The following RSPH14 variants were observed in gnomAD, a reference collection of about 807,000 sequenced individuals.
RSPH14 encodes the protein radial spoke head 14 homolog, also known as rhabdoid tumor deletion region gene 1.
Under a neutral mutation model 26.7 loss-of-function variants are expected in RSPH14, and 20 were observed. The observed-to-expected ratio is 0.75, with a 90% confidence interval of 0.53 to 1.09. The LOEUF (loss-of-function observed/expected upper bound fraction) is 1.09. Among genes scored for constraint, RSPH14 ranks in the 50% least tolerant of loss-of-function variants. RSPH14 has a pLI of 0.00. For synonymous variants in RSPH14, 177 were observed against 189.3 expected (o/e 0.93, Z 0.53); for missense variants, 449 against 457.2 (o/e 0.98, Z 0.16).
rs151087008 is a variant in RSPH14 at position 23,083,236 on chromosome 22, G to C, written c.422-19103C>G. ...GAAGCAAGAGGGCTGTGGGAGGCCT[G>C]GGGTATTGGGGGTAGTAGGGGAGGG... is the stretch of plus-strand genomic sequence containing the variant. On this transcript the variant is annotated intron_variant, in intron 4 of 6. Coordinates refer to ENST00000216036, the MANE Select transcript of RSPH14 (RefSeq NM_014433.3). Among the ~76,000 whole-genome samples, 12 of 152,220 alleles carry C rather than the reference G, an allele frequency of 7.9e-5. No homozygotes were observed. In the East Asian group the frequency reaches 2.3e-3, roughly 29 times the overall value.
At chr22:23,172,486 G>A in the RSPH14 span, among the ~76,000 whole-genome samples, 6 of 149,340 alleles carry the variant, frequency 4.0e-5, no homozygotes, top group South Asian at 2.1e-4. Context: ...AGGCCGAGGC[G>A]GGCAGATCAC....
the RSPH14 span, among the ~76,000 whole-genome samples, chr22:23,173,301 A>T: frequency 2.6e-5 from 4 of 151,892 alleles, no homozygotes; most frequent in Admixed American, 6.6e-5. Flanking sequence ...TGCCCAGCTA[A>T]TTTTTTGTAT....
chr22:23,171,565 TGA>T, the RSPH14 span, among the ~76,000 whole-genome samples: 2 of 152,116 alleles, frequency 1.3e-5, no homozygotes, highest in Non-Finnish European at 2.9e-5. Context: ...TTATTCATGC[TGA>T]GCGCGGTGGC....
chr22:23,156,352 CA>C, the RSPH14 span: 1 of 262,810 alleles, frequency 3.8e-6, no homozygotes, highest in Non-Finnish European at 7.5e-6. Context: ...CACTGGACTC[CA>C]GGGGGAGGTC....
the RSPH14 span, chr22:23,159,381 TG>T: frequency 1.1e-6 from 1 of 894,480 alleles, no homozygotes; most frequent in Middle Eastern, 2.3e-4. Context: ...TGGTGCACAC[TG>T]GCATCACAGC....
chr22:23,132,194 G>A (rs1038221927), intron 4 of RSPH14, among the ~76,000 whole-genome samples: 4 of 152,190 alleles, frequency 2.6e-5, no homozygotes, highest in African/African-American at 4.8e-5. Flanking sequence ...CAGGGCACAC[G>A]GGGAGTGAGG....
chr22:23,138,424 G>A (rs1225236472), intron 3 of RSPH14, among the ~76,000 whole-genome samples: 1 of 152,136 alleles, frequency 6.6e-6, no homozygotes, highest in Non-Finnish European at 1.5e-5. Context: ...AGCTGAGCGT[G>A]ATGACACATG....
intron 4 of RSPH14, among the ~76,000 whole-genome samples, chr22:23,125,330 A>G (rs1351972830): frequency 6.6e-6 from 1 of 151,926 alleles, no homozygotes; most frequent in East Asian, 1.9e-4. Context: ...CCCAACACTG[A>G]CCCAGGCTGT....
intron 4 of RSPH14, among the ~76,000 whole-genome samples, chr22:23,130,312 G>A (rs559487555): frequency 1.4e-4 from 21 of 151,388 alleles, no homozygotes; most frequent in Admixed American, 5.3e-4. Flanking sequence ...AAAATCAGCC[G>A]GGCATGGTGG....
At chr22:23,140,181 T>G in intron 2 of RSPH14, 41 bp downstream of exon 2, 1 of 1,608,172 alleles carries the variant, frequency 6.2e-7, no homozygotes, top group East Asian at 2.2e-5. Context: ...GAAGCCATGC[T>G]AGGACCCCAG....
At chr22:23,165,754 T>A in the RSPH14 span, among the ~76,000 whole-genome samples, 38 of 152,134 alleles carry the variant, frequency 2.5e-4, no homozygotes, top group Admixed American at 4.6e-4. Flanking sequence ...GCCTCCCTCA[T>A]ATGAGTGGCA....
At chr22:23,087,264 G>C (rs574066221) in intron 4 of RSPH14, among the ~76,000 whole-genome samples, 2 of 152,040 alleles carry the variant, frequency 1.3e-5, no homozygotes, top group Non-Finnish European at 2.9e-5. Context: ...CCAGGAGTTC[G>C]AGACCAGTCT....
the RSPH14 span, among the ~76,000 whole-genome samples, chr22:23,178,254 A>G: frequency 6.6e-6 from 1 of 152,170 alleles, no homozygotes; most frequent in Non-Finnish European, 1.5e-5. Flanking sequence ...GTCTCTACTA[A>G]AAATACAAAA....
intron 6 of RSPH14, among the ~76,000 whole-genome samples, chr22:23,061,014 C>T (rs544280580): frequency 2.3e-4 from 35 of 152,252 alleles, no homozygotes; most frequent in African/African-American, 8.4e-4. Context: ...CCTGACTACA[C>T]CAGTAAAAGG....
chr22:23,157,939 C>T, the RSPH14 span: 6 of 1,611,496 alleles, frequency 3.7e-6, no homozygotes, highest in Middle Eastern at 1.7e-4. Flanking sequence ...GGGGAGCCCC[C>T]TTGCTCGCCT....
chr22:23,149,913 A>G (rs1373669947), upstream of RSPH14: 1 of 669,122 alleles, frequency 1.5e-6, no homozygotes. Flanking sequence ...GAAGATACAC[A>G]TGACAAATGG....
At chr22:23,173,629 G>GTTTTTTTTT in the RSPH14 span, among the ~76,000 whole-genome samples, 1 of 85,490 alleles carries the variant, frequency 1.2e-5, no homozygotes, top group Non-Finnish European at 2.5e-5. Flanking sequence ...TTGGTTTTTT[G>GTTTTTTTTT]TTTTTTGTTT....
chr22:23,123,377 C>T (rs555717993), intron 4 of RSPH14: 47 of 1,613,966 alleles, frequency 2.9e-5, no homozygotes, highest in African/African-American at 1.5e-4. Flanking sequence ...TTGTCTTCGA[C>T]GCGGTGACAG....
intron 4 of RSPH14, chr22:23,131,180 A>C (rs2070354113): frequency 6.3e-6 from 1 of 158,048 alleles, no homozygotes; most frequent in African/African-American, 2.4e-5. Context: ...ACATGGATTC[A>C]TCTCAAAATT....
Sources: gnomAD v4.1 joint callset for allele counts (sites outside exome capture counted in the v4.1 genomes callset) on GRCh38, gnomAD v4.1.1 for gene constraint, MANE v1.5 for transcripts, NCBI Gene and HGNC (gene_info 2026-07-23, HGNC 2026-07-21) for gene names.